TRMT11: variants seen among roughly 807,000 people sequenced by gnomAD.
TRMT11 encodes tRNA methyltransferase 11.
TRMT11 carries 53 observed loss-of-function variants against 62.8 expected under a neutral mutation model. That is an observed-to-expected ratio of 0.84 (90% CI 0.68 to 1.06). The LOEUF (loss-of-function observed/expected upper bound fraction) is 1.06, where lower values mean the gene tolerates loss of function less well. Among genes scored for constraint, TRMT11 ranks in the 50% least tolerant of loss-of-function variants. TRMT11 has a pLI of 0.00. For missense variants in TRMT11, 556 were observed against 553.4 expected, an observed-to-expected ratio of 1.00 and a Z score of -0.05; for synonymous variants, 188 against 190.3, an observed-to-expected ratio of 0.99 and a Z score of 0.10.
chr6:126,243,950 A>G, the TRMT11 span, among the ~76,000 whole-genome samples: 1 of 152,156 alleles, frequency 6.6e-6, no homozygotes, highest in Non-Finnish European at 1.5e-5. Flanking sequence ...GGGCCAGAAG[A>G]AAAAAAGCAT....
chr6:126,243,744 G>A, the TRMT11 span, among the ~76,000 whole-genome samples: 1 of 152,130 alleles, frequency 6.6e-6, no homozygotes, highest in Non-Finnish European at 1.5e-5. Flanking sequence ...AGAACACATG[G>A]ACACAGGAAG....
At chr6:125,987,263 T>TGA (rs2128720780) in intron 1 of TRMT11, 1 of 151,346 alleles carries the variant, frequency 6.6e-6, no homozygotes, top group Non-Finnish European at 1.5e-5. Flanking sequence ...CTAATCTACC[T>TGA]GAGGGGTTGG....
chr6:126,133,518 G>T (rs966293464), intron 21 of TRMT11, among the ~76,000 whole-genome samples: 1 of 151,902 alleles, frequency 6.6e-6, no homozygotes. Context: ...ATGAATGTAG[G>T]TAGCTACTGC....
chr6:126,232,518 T>C, the TRMT11 span, among the ~76,000 whole-genome samples: 37 of 152,182 alleles, frequency 2.4e-4, no homozygotes, highest in Admixed American at 2.4e-3. Context: ...ACTAGACATT[T>C]TAATGTATTT....
At chr6:126,074,078 C>T (rs1274130591) in intron 17 of TRMT11, among the ~76,000 whole-genome samples, 4 of 152,188 alleles carry the variant, frequency 2.6e-5, no homozygotes, top group African/African-American at 7.2e-5. Flanking sequence ...ATTATGGAAA[C>T]TACAGTTCCA....
At chr6:126,074,884 TATTC>T (rs1443902712) in intron 17 of TRMT11, among the ~76,000 whole-genome samples, 1 of 152,184 alleles carries the variant, frequency 6.6e-6, no homozygotes, top group Non-Finnish European at 1.5e-5. Context: ...TAAAAGTCAG[TATTC>T]ATTCAGTTCA....
intron 12 of TRMT11, among the ~76,000 whole-genome samples, chr6:126,030,467 G>A (rs933147343): frequency 1.3e-5 from 2 of 152,134 alleles, no homozygotes; most frequent in African/African-American, 2.4e-5. Context: ...ACTTAAGAAT[G>A]TATATCATAG....
chr6:126,162,104 C>T (rs1263977244), intron 21 of TRMT11, among the ~76,000 whole-genome samples: 1 of 152,126 alleles, frequency 6.6e-6, no homozygotes, highest in Non-Finnish European at 1.5e-5. Flanking sequence ...GTTGCCGTTG[C>T]TTTTGGTGTT....
At chr6:126,109,559 T>G (rs1013044596) in intron 17 of TRMT11, among the ~76,000 whole-genome samples, 4 of 152,184 alleles carry the variant, frequency 2.6e-5, no homozygotes, top group African/African-American at 4.8e-5. Flanking sequence ...ATTGCTCTAA[T>G]GTAAGGCTAC....
At chr6:126,232,148 T>TTG in the TRMT11 span, among the ~76,000 whole-genome samples, 3,689 of 150,102 alleles carry the variant, frequency 0.025, 121 homozygotes, top group African/African-American at 0.079. Context: ...ACATTTGTGT[T>TTG]TGTGTGTGTG....
At chr6:126,140,355 G>C (rs997700509) in intron 21 of TRMT11, among the ~76,000 whole-genome samples, 7 of 152,012 alleles carry the variant, frequency 4.6e-5, no homozygotes, top group Middle Eastern at 3.4e-3. Context: ...GCTTTCTCTT[G>C]TTTTGGTATT....
chr6:126,128,858 G>A (rs1264942840), intron 21 of TRMT11, among the ~76,000 whole-genome samples: 1 of 151,458 alleles, frequency 6.6e-6, no homozygotes, highest in African/African-American at 2.4e-5. Flanking sequence ...TGATTACTCT[G>A]AACACGTAGG....
At chr6:126,199,219 G>A (rs148850306) in intron 2 of TRMT11, among the ~76,000 whole-genome samples, 1 of 152,290 alleles carries the variant, frequency 6.6e-6, no homozygotes, top group Non-Finnish European at 1.5e-5. Flanking sequence ...TAATATGCTC[G>A]CAGAATCACC....
the TRMT11 span, among the ~76,000 whole-genome samples, chr6:126,241,237 A>G: frequency 6.6e-6 from 1 of 151,906 alleles, no homozygotes; most frequent in Non-Finnish European, 1.5e-5. Context: ...AGTGAGATGA[A>G]CCCGGTACCT....
chr6:126,031,004 A>G (rs1774092328), intron 12 of TRMT11, among the ~76,000 whole-genome samples: 1 of 152,232 alleles, frequency 6.6e-6, no homozygotes, highest in South Asian at 2.1e-4. Flanking sequence ...GGTGCAGGAG[A>G]TGAGACTTTA....
intron 17 of TRMT11, among the ~76,000 whole-genome samples, chr6:126,101,116 C>T (rs1360155964): frequency 4.6e-5 from 7 of 152,024 alleles, no homozygotes; most frequent in Non-Finnish European, 8.8e-5. Flanking sequence ...TCCTGCTGTG[C>T]GGACTGGTTC....
the TRMT11 span, among the ~76,000 whole-genome samples, chr6:126,260,200 CTTGTT>C: frequency 6.6e-6 from 1 of 152,002 alleles, no homozygotes; most frequent in Non-Finnish European, 1.5e-5. Flanking sequence ...CTTCCTCTTT[CTTGTT>C]TATTTGCTAT....
At chr6:125,995,834 T>A (rs527313123) in intron 2 of TRMT11, 133 bp from the exon 3 acceptor site, 1 of 631,378 alleles carries the variant, frequency 1.6e-6, no homozygotes, top group Non-Finnish European at 2.8e-6. Flanking sequence ...GATTTTTATT[T>A]TGGTTACAGT....
chr6:126,010,380 G>A (rs549746165), intron 8 of TRMT11, among the ~76,000 whole-genome samples: 86 of 151,910 alleles, frequency 5.7e-4, no homozygotes, highest in African/African-American at 1.9e-3. Flanking sequence ...TTTTCCAGGC[G>A]TCTACCTATC....
Sources: allele counts gnomAD v4.1 joint callset (sites outside exome capture counted in the v4.1 genomes callset), GRCh38; gene constraint gnomAD v4.1.1; transcripts MANE v1.5; gene names NCBI Gene and HGNC (gene_info 2026-07-23, HGNC 2026-07-21).